The following ABCC9 variants were observed in gnomAD, a reference collection of about 807,000 sequenced individuals.
ABCC9 encodes ATP binding cassette subfamily C member 9, also known as ATP-binding cassette sub-family C member 9.
Under a neutral mutation model 188.3 loss-of-function variants are expected in ABCC9, and 95 were observed. That is an observed-to-expected ratio of 0.50 (90% CI 0.43 to 0.60). The LOEUF is 0.60. Ranked by LOEUF, ABCC9 falls within the 20% of genes least tolerant of loss-of-function variation. ABCC9 has a pLI of 0.00. For missense variants in ABCC9, 1,102 were observed against 1,876.3 expected (o/e 0.59, Z 7.62); for synonymous variants, 659 against 652.7 (o/e 1.01, Z -0.15).
At chr12:21,911,530 G>T (rs1948323403) in intron 8 of ABCC9, among the ~76,000 whole-genome samples, 1 of 151,912 alleles carries the variant, frequency 6.6e-6, no homozygotes, top group Admixed American at 6.6e-5. Context: ...TTTTGTTTTA[G>T]TAGGAATACG....
rs745801825 is a variant in ABCC9 at position 21,844,534 on chromosome 12, G to A, written c.3264C>T (p.Pro1088=). The A allele has an allele frequency of 6.2e-7, 1 of 1,613,680 alleles. No homozygotes were observed. Among genetic ancestry groups the A allele is most frequent in the Middle Eastern group, 1.7e-4 (1 of 6,058 alleles). Residue 1088 remains proline, a synonymous_variant, in exon 28 of 40, where the codon CCC becomes CCT. Transcript: ENST00000261200. ...LGPIRFFDTT[P]LGLILNRFSA... ...AAAAGCGATTGAGAATCAGTCCCAG[G>A]GGTGTGGTATCAAAAAACCTAGGCA...
At chr12:21,905,591 T>A (rs540646913) in intron 12 of ABCC9, among the ~76,000 whole-genome samples, 2 of 152,196 alleles carry the variant, frequency 1.3e-5, no homozygotes, top group East Asian at 3.9e-4. Context: ...AAGCGAGATA[T>A]TTTGTGGCAA....
Position 21,852,213 on chromosome 12 carries a change from T to C in ABCC9, c.2653A>G (p.Met885Val). The C allele has an allele frequency of 6.2e-7, 1 of 1,613,872 alleles. No homozygotes were observed. Among genetic ancestry groups the C allele is most frequent in the African/African-American group, 1.3e-5 (1 of 75,038 alleles). Residue 885 changes from methionine to valine, a missense_variant, in exon 24 of 40, where the codon ATG (methionine) becomes GTG (valine). Met to Val is a conservative substitution (Grantham distance 21). Coordinates refer to ENST00000261200, the MANE Select transcript of ABCC9 (RefSeq NM_020297.4). ...TCTCTTAGGACACTTCCATCTTTCA[T>C]GGCTATGATCTAAGGAAAGCGGATA... The part of the protein sequence containing the change: ...YLTHADWIIA[M>V]KDGSVLREGT...
At chr12:21,871,363 G>A (rs973298034) in intron 18 of ABCC9, among the ~76,000 whole-genome samples, 6 of 152,158 alleles carry the variant, frequency 3.9e-5, no homozygotes, top group Non-Finnish European at 8.8e-5. Flanking sequence ...CTAAACAGTT[G>A]CAAGGCTATC....
chr12:21,841,403 G>T (rs1422101179), intron 29 of ABCC9, among the ~76,000 whole-genome samples: 1 of 134,314 alleles, frequency 7.4e-6, no homozygotes, highest in Non-Finnish European at 1.5e-5. Context: ...CTGTCACCCA[G>T]GCTAGAGTGC....
At chr12:21,896,755 T>C (rs1175517677) in intron 12 of ABCC9, among the ~76,000 whole-genome samples, 1 of 152,218 alleles carries the variant, frequency 6.6e-6, no homozygotes, top group East Asian at 1.9e-4. Context: ...CATCATCCTA[T>C]TCCTTTTTAT....
intron 12 of ABCC9, among the ~76,000 whole-genome samples, chr12:21,897,462 CA>C (rs1405562143): frequency 6.6e-6 from 1 of 152,144 alleles, no homozygotes; most frequent in African/African-American, 2.4e-5. Context: ...GAGTATGAAG[CA>C]CTTGACATAG....
rs145979582 is a variant in ABCC9, at chr12:21,803,203, C to T, written c.4513-2022G>A. On this transcript the variant is annotated intron_variant, in intron 39 of 39. Coordinates refer to ENST00000261200, the MANE Select transcript of ABCC9 (RefSeq NM_020297.4). ...AGAAAAAGAAACTTAACAAGCTATC[C>T]AATAATATCTGCTGTGCATTTTCCT... is the stretch of plus-strand genomic sequence containing the variant. Among the ~76,000 whole-genome samples, 61 of 151,978 alleles carry T rather than the reference C, an allele frequency of 4.0e-4. No homozygotes were observed. In the East Asian group the frequency reaches 0.01, roughly 25 times the overall value.
chr12:21,821,105 A>G (rs1042369297), intron 31 of ABCC9, among the ~76,000 whole-genome samples: 1 of 152,140 alleles, frequency 6.6e-6, no homozygotes, highest in Non-Finnish European at 1.5e-5. Flanking sequence ...TGAGCTGACT[A>G]TTTTCCAACT....
chr12:21,900,639 T>C (rs934172080), intron 12 of ABCC9, among the ~76,000 whole-genome samples: 15 of 152,172 alleles, frequency 9.9e-5, no homozygotes, highest in African/African-American at 3.6e-4. Flanking sequence ...CTGAAAACCA[T>C]GGCACCAGAA....
rs1253290403 is a variant in ABCC9, at chr12:21,859,629, C to T, written c.2462G>A (p.Cys821Tyr). 1.2e-6 allele frequency: 2 copies of T among 1,613,812 alleles called. No homozygotes were observed. The highest frequency in any genetic ancestry group is 1.7e-6 in the Non-Finnish European group (2 of 1,179,884). Residue 821 changes from cysteine to tyrosine, a missense_variant, in exon 22 of 40, where the codon TGT (cysteine) becomes TAT (tyrosine). By Grantham distance (194) the Cys-to-Tyr change is radical. Coordinates refer to ENST00000261200, the MANE Select transcript of ABCC9 (RefSeq NM_020297.4). The part of the protein sequence containing the change: ...NLSGGQRQRI[C>Y]VARALYQNTN... ...GTTTTGATACAGCGCTCGTGCCACA[C>T]AGATTCTCTGCCTCTGTCCCCCACT...
chr12:21,891,992 C>T (rs1267964043), intron 14 of ABCC9, among the ~76,000 whole-genome samples: 1 of 152,200 alleles, frequency 6.6e-6, no homozygotes, highest in Non-Finnish European at 1.5e-5. Flanking sequence ...TACCAGTCAT[C>T]TCTGTAGGAC....
chr12:21,917,191 CAA>C (rs913149004), intron 5 of ABCC9, 88 bp from the exon 6 acceptor site: 37 of 1,354,038 alleles, frequency 2.7e-5, no homozygotes, highest in Non-Finnish European at 3.7e-5. Context: ...TTTTTAATAA[CAA>C]AGGCAATTTT....
chr12:21,891,217 G>T (rs1031867666), intron 14 of ABCC9, among the ~76,000 whole-genome samples: 6 of 152,240 alleles, frequency 3.9e-5, no homozygotes, highest in Admixed American at 1.3e-4. Flanking sequence ...ATAAATGAAT[G>T]CACATCCACA....
intron 14 of ABCC9, among the ~76,000 whole-genome samples, chr12:21,890,592 T>A (rs1266616402): frequency 6.6e-6 from 1 of 152,112 alleles, no homozygotes; most frequent in African/African-American, 2.4e-5. Context: ...AACAATAGAC[T>A]GGATTAAGAA....
At chr12:21,841,748 A>AT (rs1240045938) in intron 29 of ABCC9, among the ~76,000 whole-genome samples, 1 of 152,204 alleles carries the variant, frequency 6.6e-6, no homozygotes, top group Non-Finnish European at 1.5e-5. Flanking sequence ...AAAACTCAAT[A>AT]GATCAATCCA....
chr12:21,833,181 T>C (rs1412646782), intron 30 of ABCC9, among the ~76,000 whole-genome samples: 1 of 152,148 alleles, frequency 6.6e-6, no homozygotes, highest in African/African-American at 2.4e-5. Context: ...TGTACACTGC[T>C]TGGGTGACAG....
intron 35 of ABCC9, among the ~76,000 whole-genome samples, chr12:21,814,353 C>A (rs1022669974): frequency 2.0e-5 from 3 of 152,176 alleles, no homozygotes; most frequent in Admixed American, 2.0e-4. Context: ...GAAATTCCAC[C>A]TCCACCTACT....
intron 5 of ABCC9, 60 bp from the exon 6 acceptor site, chr12:21,917,163 T>C: frequency 6.6e-7 from 1 of 1,523,868 alleles, no homozygotes; most frequent in Non-Finnish European, 9.1e-7. Context: ...CACTAGCATT[T>C]GAATGTAATT....
Sources: allele counts gnomAD v4.1 joint callset (sites outside exome capture counted in the v4.1 genomes callset), GRCh38; gene constraint gnomAD v4.1.1; transcripts MANE v1.5; gene names NCBI Gene and HGNC (gene_info 2026-07-23, HGNC 2026-07-21).